MAPKAP1: variants seen among roughly 807,000 people sequenced by gnomAD.
MAPKAP1 encodes the protein MAPK associated protein 1.
MAPKAP1 carries 20 observed loss-of-function variants against 65.7 expected under a neutral mutation model. The observed-to-expected ratio is 0.30, with a 90% confidence interval of 0.21 to 0.44. The LOEUF is 0.44. MAPKAP1 is among the 20% of genes least tolerant of loss of function. The probability of loss-of-function intolerance (pLI) is 1.00; values close to 1 mark genes in which losing one functional copy is unlikely to be tolerated. For missense variants in MAPKAP1, 423 were observed against 648.0 expected (o/e 0.65, Z 3.77); for synonymous variants, 222 against 244.3 (o/e 0.91, Z 0.85).
intron 9 of MAPKAP1, among the ~76,000 whole-genome samples, chr9:125,472,539 A>C (rs1853961696): frequency 1.3e-5 from 2 of 152,232 alleles, no homozygotes; most frequent in Admixed American, 1.3e-4. Context: ...GCGTAAAGTC[A>C]TTTAAGGAAT....
At chr9:125,568,834 G>T in intron 5 of MAPKAP1, 1 of 170,998 alleles carries the variant, frequency 5.8e-6, no homozygotes, top group Non-Finnish European at 1.3e-5. Context: ...CAGAAGCCTG[G>T]CATGCTGACA....
intron 10 of MAPKAP1, among the ~76,000 whole-genome samples, chr9:125,457,823 T>C (rs1313741304): frequency 2.0e-5 from 3 of 152,264 alleles, no homozygotes; most frequent in African/African-American, 7.2e-5. Flanking sequence ...CAGTAGTTGC[T>C]TGCCCAGCCT....
At chr9:125,633,562 A>C (rs1049323308) in intron 4 of MAPKAP1, among the ~76,000 whole-genome samples, 1 of 152,224 alleles carries the variant, frequency 6.6e-6, no homozygotes, top group Admixed American at 6.5e-5. Context: ...GATTATGTGT[A>C]ATGGGCAATT....
rs1441778847 is a variant in MAPKAP1, at chr9:125,693,743, ATATATACACATATATACACG to A, written c.-70+13208_-70+13227del. Among the ~76,000 whole-genome samples, 827 of 130,384 alleles carry A rather than the reference ATATATACACATATATACACG, an allele frequency of 6.3e-3. 25 individuals carry two copies. The highest frequency in any genetic ancestry group is 0.027 in the African/African-American group (711 of 26,262). 85.5% of individuals were successfully genotyped at this position (130,384 alleles called of 152,430 possible). A position where few individuals can be genotyped will look rare whatever the true frequency, so the allele number is the denominator to read the frequency against. Reference sequence around the variant, plus strand: ...CACGTATATACACATATATACACGTATATATACACATATATACACGTATATACACATATATACACGTATAT... The same window carrying A: ...CACGTATATACACATATATACACGTATATATACACATATATACACGTATAT... On this transcript the variant is annotated intron_variant, in intron 1 of 11. Transcript: ENST00000265960.
At chr9:125,592,011 G>C (rs1831981091) in intron 4 of MAPKAP1, among the ~76,000 whole-genome samples, 1 of 152,190 alleles carries the variant, frequency 6.6e-6, no homozygotes, top group South Asian at 2.1e-4. Flanking sequence ...GCAACACAGA[G>C]AAAGTGTTGC....
chr9:125,625,418 C>A (rs867052705), intron 4 of MAPKAP1, among the ~76,000 whole-genome samples: 6 of 151,790 alleles, frequency 4.0e-5, no homozygotes, highest in Middle Eastern at 6.8e-3. Flanking sequence ...AAACAAAAAA[C>A]AAAAAAACAA....
intron 3 of MAPKAP1, among the ~76,000 whole-genome samples, chr9:125,661,948 T>C (rs1012050446): frequency 1.3e-5 from 2 of 152,044 alleles, no homozygotes; most frequent in Non-Finnish European, 2.9e-5. Flanking sequence ...AAAGAGAAGC[T>C]ATAGATTAAA....
chr9:125,653,323 G>A (rs888256239), intron 4 of MAPKAP1, among the ~76,000 whole-genome samples: 7 of 152,258 alleles, frequency 4.6e-5, no homozygotes, highest in South Asian at 2.1e-4. Flanking sequence ...AGAAACTGTC[G>A]GTTAAATCTG....
chr9:125,564,000 C>T (rs1157113262), intron 5 of MAPKAP1, among the ~76,000 whole-genome samples: 1 of 152,224 alleles, frequency 6.6e-6, no homozygotes, highest in Non-Finnish European at 1.5e-5. Flanking sequence ...CGTGAGCCAC[C>T]ATGCCCAACC....
At chr9:125,461,300 C>T (rs1170436603) in intron 10 of MAPKAP1, among the ~76,000 whole-genome samples, 1 of 152,226 alleles carries the variant, frequency 6.6e-6, no homozygotes, top group Non-Finnish European at 1.5e-5. Flanking sequence ...GTTGCCTAAA[C>T]CCATCTCCCC....
At chr9:125,545,726 C>T (rs375372342) in intron 6 of MAPKAP1, among the ~76,000 whole-genome samples, 74 of 152,246 alleles carry the variant, frequency 4.9e-4, no homozygotes, top group East Asian at 4.8e-3. Flanking sequence ...TTAAAAGTGT[C>T]CTTTTAAAAG....
At chr9:125,566,844 C>A (rs554727414) in intron 5 of MAPKAP1, among the ~76,000 whole-genome samples, 3 of 152,238 alleles carry the variant, frequency 2.0e-5, no homozygotes, top group East Asian at 1.9e-4. Context: ...CAGCTCATAT[C>A]TCTCCCCTCT....
intron 5 of MAPKAP1, among the ~76,000 whole-genome samples, chr9:125,583,243 T>C (rs1831677878): frequency 6.6e-6 from 1 of 152,238 alleles, no homozygotes; most frequent in South Asian, 2.1e-4. Context: ...TCTCAACCTC[T>C]CTACATGACT....
At chr9:125,632,110 T>C (rs1272917034) in intron 4 of MAPKAP1, among the ~76,000 whole-genome samples, 1 of 151,682 alleles carries the variant, frequency 6.6e-6, no homozygotes, top group Non-Finnish European at 1.5e-5. Flanking sequence ...TAGTCCCAGC[T>C]ACCTGGGAGG....
chr9:125,504,689 A>AGG (rs762072736), intron 8 of MAPKAP1, among the ~76,000 whole-genome samples: 44 of 152,292 alleles, frequency 2.9e-4, no homozygotes, highest in Non-Finnish European at 4.9e-4. Context: ...GTTACTTGGG[A>AGG]GGCTGACACA....
chr9:125,675,496 G>A (rs1834617959), intron 1 of MAPKAP1, among the ~76,000 whole-genome samples: 1 of 152,152 alleles, frequency 6.6e-6, no homozygotes, highest in Admixed American at 6.5e-5. Context: ...CTCAACAGCA[G>A]CAGATATCTT....
At chr9:125,538,878 A>G (rs568196682) in intron 7 of MAPKAP1, among the ~76,000 whole-genome samples, 2 of 152,310 alleles carry the variant, frequency 1.3e-5, no homozygotes, top group South Asian at 4.1e-4. Flanking sequence ...ATGGATCGAT[A>G]TTTACATTTT....
At chr9:125,648,822 TC>T (rs1481276284) in intron 4 of MAPKAP1, among the ~76,000 whole-genome samples, 1 of 151,742 alleles carries the variant, frequency 6.6e-6, no homozygotes, top group East Asian at 1.9e-4. Flanking sequence ...GCACCTGTAA[TC>T]CCAGCTACTT....
intron 4 of MAPKAP1, among the ~76,000 whole-genome samples, chr9:125,633,098 C>T (rs1833333145): frequency 6.6e-6 from 1 of 152,176 alleles, no homozygotes; most frequent in Non-Finnish European, 1.5e-5. Context: ...GTTGTAAATG[C>T]AAGACCGCTC....
Sources: allele counts gnomAD v4.1 joint callset (sites outside exome capture counted in the v4.1 genomes callset), GRCh38; gene constraint gnomAD v4.1.1; transcripts MANE v1.5; gene names NCBI Gene and HGNC (gene_info 2026-07-23, HGNC 2026-07-21).